MUC5AC: variants seen among roughly 807,000 people sequenced by gnomAD.
MUC5AC encodes the protein mucin 5AC, oligomeric mucus/gel-forming.
MUC5AC carries 158 observed loss-of-function variants against 169.7 expected under a neutral mutation model. The ratio of observed to expected loss-of-function variants is 0.93; its 90% CI spans 0.82 to 1.06. MUC5AC has a LOEUF of 1.06. MUC5AC is among the 50% of genes least tolerant of loss of function. The pLI, the probability that MUC5AC is intolerant of heterozygous loss-of-function variation, is 0.00. For missense variants in MUC5AC, 4,359 were observed against 3,089.9 expected, an observed-to-expected ratio of 1.41 and a Z score of -9.74; for synonymous variants, 1,975 against 1,237.0, an observed-to-expected ratio of 1.60 and a Z score of -12.52.
intron 40 of MUC5AC, 36 bp from the exon 41 acceptor site, chr11:1,197,432 G>A (rs1164720748): frequency 2.0e-5 from 14 of 698,530 alleles, no homozygotes; most frequent in East Asian, 1.1e-4. Flanking sequence ...GGGTGGAGCC[G>A]CTGCGGACGC....
At position 1,199,487 on chromosome 11, in the gene MUC5AC, T is replaced by C. The variant is rs1313478482; in HGVS notation, c.16512T>C (p.Ser5504=). The C allele has an allele frequency of 1.4e-6, 1 of 710,126 alleles. No homozygotes were observed. The highest frequency in any genetic ancestry group is 1.7e-5 in the African/African-American group (1 of 57,504). The allele number at this position is 710,126 out of a possible 1,614,324, so 44.0% of individuals were successfully genotyped here. ...TKKACPPLSC[S]LDEARMSKDG... ...AGGCGTGCCCCCCGCTCAGCTGTTCTCTGGTGAGGTCCAGGATCCCCGCTC... is the reference window on the plus strand; with the variant it reads ...AGGCGTGCCCCCCGCTCAGCTGTTCCCTGGTGAGGTCCAGGATCCCCGCTC... The change falls in exon 46 of 49, where the codon TCT becomes TCC. Residue 5504 remains serine (S), a synonymous_variant. Coordinates refer to ENST00000621226, the MANE Select transcript of MUC5AC (RefSeq NM_001304359.2).
In MUC5AC at chr11:1,186,018, A is replaced by G. The variant is rs1860934650; in HGVS notation, c.7873A>G (p.Thr2625Ala). Residue 2625 changes from threonine to alanine, a missense_variant, in exon 31 of 49, where the codon ACA (threonine) becomes GCA (alanine). Thr to Ala is a moderately conservative substitution (Grantham distance 58). Transcript: ENST00000621226. ...APISSTTSAT[T>A]TSRISGPETT... Reference sequence around the variant, plus strand: ...TATAAGCAGCACAACCTCTGCCACTACAACCAGCAGAATCTCTGGTCCTGA... The same window carrying G: ...TATAAGCAGCACAACCTCTGCCACTGCAACCAGCAGAATCTCTGGTCCTGA... 1 of 729,210 alleles carries G rather than the reference A, an allele frequency of 1.4e-6. No individual in the cohort carries two copies. The highest frequency in any genetic ancestry group is 1.7e-5 in the African/African-American group (1 of 57,652). The allele number at this position is 729,210 out of a possible 1,614,324, so 45.2% of individuals were successfully genotyped here.
chr11:1,159,656 G>A (rs113686509), intron 1 of MUC5AC, among the ~76,000 whole-genome samples: 4 of 137,392 alleles, frequency 2.9e-5, no homozygotes, highest in Admixed American at 1.5e-4. Flanking sequence ...AGGGCTGTGC[G>A]GGGCTGGCGT....
At chr11:1,165,530 C>A (rs1860297068) in intron 10 of MUC5AC, 92 bp from the exon 11 acceptor site, 8 of 1,588,106 alleles carry the variant, frequency 5.0e-6, no homozygotes, top group Non-Finnish European at 6.9e-6. Flanking sequence ...TGTAGGCAGG[C>A]CTGGGGTGAG....
In MUC5AC at chr11:1,188,094, G is replaced by T; in HGVS notation, c.9949G>T (p.Val3317Leu). The part of the protein sequence containing the change: ...FKMCLNYEVR[V>L]LCCETPKGCP... ...GATGTGCCTCAACTACGAGGTGCGT[G>T]TGCTCTGCTGCGAGACCCCTAAAGG... Residue 3317 changes from valine to leucine, a missense_variant, in exon 31 of 49, where the codon GTG becomes TTG. Transcript: ENST00000621226. The T allele has an allele frequency of 1.4e-6, 1 of 740,054 alleles. No individual in the cohort carries two copies. Among genetic ancestry groups the T allele is most frequent in the Non-Finnish European group, 2.5e-6 (1 of 403,700 alleles). The allele number at this position is 740,054 out of a possible 1,614,324, so 45.8% of individuals were successfully genotyped here. A position where few individuals can be genotyped will look rare whatever the true frequency, so the allele number is the denominator to read the frequency against.
chr11:1,193,672 C>G lies in MUC5AC; in HGVS notation c.14755+13C>G. On this transcript the variant is annotated intron_variant, in intron 33 of 48. Coordinates refer to ENST00000621226, the MANE Select transcript of MUC5AC (RefSeq NM_001304359.2). ...TACCAGTGCCAGTGTGAGTGGAGCG[C>G]CGAGCGGGACCCAGGGCAGCCGGGG... is the stretch of plus-strand genomic sequence containing the variant. 2.6e-6 allele frequency: 2 copies of G among 762,572 alleles called. No individual in the cohort carries two copies. The highest frequency in any genetic ancestry group is 1.3e-5 in the South Asian group (1 of 74,552). The allele number at this position is 762,572 out of a possible 1,614,324, so 47.2% of individuals were successfully genotyped here.
intron 11 of MUC5AC, 93 bp downstream of exon 11, chr11:1,165,853 G>A: frequency 6.4e-7 from 1 of 1,560,274 alleles, no homozygotes; most frequent in Non-Finnish European, 8.7e-7. Context: ...TGTCACTGCT[G>A]CCCCTGGGGT....
At chr11:1,162,806 G>A in intron 5 of MUC5AC, 149 bp from the exon 6 acceptor site, 1 of 968,764 alleles carries the variant, frequency 1.0e-6, no homozygotes, top group Middle Eastern at 2.1e-4. Flanking sequence ...CACCAATGGT[G>A]TCCCGGGGTC....
At chr11:1,161,028 G>A (rs554178192) in intron 2 of MUC5AC, among the ~76,000 whole-genome samples, 1 of 152,342 alleles carries the variant, frequency 6.6e-6, no homozygotes, top group East Asian at 1.9e-4. Context: ...TGACGCTTCA[G>A]CAACACGGGC....
chr11:1,169,048 C>G, intron 15 of MUC5AC, 22 bp downstream of exon 15: 1 of 1,535,138 alleles, frequency 6.5e-7, no homozygotes, highest in Non-Finnish European at 8.8e-7. Flanking sequence ...CACGGCTCGC[C>G]TCTGTGCTGG....
chr11:1,178,598 G>A lies in MUC5AC; in HGVS notation c.3242G>A (p.Cys1081Tyr). 7.1e-7 allele frequency: 1 copy of A among 1,413,594 alleles called. No individual in the cohort carries two copies. 87.6% of individuals were successfully genotyped at this position (1,413,594 alleles called of 1,614,324 possible). Residue 1081 changes from cysteine (C) to tyrosine (Y), a missense_variant, in exon 25 of 49, where the codon TGC becomes TAC. Physicochemically the swap from Cys to Tyr is radical, Grantham distance 194. Transcript: ENST00000621226. ...CPDALAPKDP[C>Y]TANPFRKSWA... ...GATGCCCTGGCGCCCAAGGACCCCT[G>A]CACGGCCAACCCCTTCCGCAAGTCC...
chr11:1,190,027 A>C lies in MUC5AC; in HGVS notation c.11882A>C (p.Lys3961Thr), dbSNP rs1861050029. The C allele has an allele frequency of 2.6e-6, 2 of 765,050 alleles. No homozygotes were observed. Among genetic ancestry groups the C allele is most frequent in the South Asian group, 1.3e-5 (1 of 74,624 alleles). 47.4% of individuals were successfully genotyped at this position (765,050 alleles called of 1,614,324 possible). ...TGTCATCCCCGGTGCACCTGGACCA[A>C]GTGGTTTGACGTGGACTTTCCATCC... ...RDCHPRCTWT[K>T]WFDVDFPSPG... is the part of the protein sequence containing the mutation. Residue 3961 changes from lysine (K) to threonine (T), a missense_variant, in exon 31 of 49, where the codon AAG becomes ACG. By Grantham distance (78) the Lys-to-Thr change is moderately conservative. Coordinates refer to ENST00000621226, the MANE Select transcript of MUC5AC (RefSeq NM_001304359.2).
rs1157146809 is a variant in MUC5AC, at chr11:1,173,740, TCACTCACTCATC to T, written c.1966-733_1966-722del. Among the ~76,000 whole-genome samples, 20 of 145,076 alleles carry T rather than the reference TCACTCACTCATC, an allele frequency of 1.4e-4. No individual in the cohort carries two copies. In the South Asian group the frequency reaches 1.8e-3, roughly 13 times the overall value. ...TTCATTCACGCACTCATCCACTCACTCACTCACTCATCCACTCACTCATCCACTCACTCACTC... is the reference window on the plus strand; with the variant it reads ...TTCATTCACGCACTCATCCACTCACTCACTCACTCATCCACTCACTCACTC... On this transcript the variant is annotated intron_variant, in intron 16 of 48. Coordinates refer to ENST00000621226, the MANE Select transcript of MUC5AC (RefSeq NM_001304359.2).
chr11:1,178,035 G>A (rs1364068110), intron 24 of MUC5AC, among the ~76,000 whole-genome samples: 1 of 152,230 alleles, frequency 6.6e-6, no homozygotes, highest in Non-Finnish European at 1.5e-5. Context: ...CCTCCTCCCT[G>A]TGACTGGGTC....
Position 1,197,811 on chromosome 11 carries a change from T to C in MUC5AC, c.16034-92T>C, listed in dbSNP as rs907169887. 2.0e-5 allele frequency: 13 copies of C among 654,398 alleles called. No homozygotes were observed. In the African/African-American group the frequency reaches 2.2e-4, roughly 11 times the overall value. The allele number at this position is 654,398 out of a possible 1,614,324, so 40.5% of individuals were successfully genotyped here. On this transcript the variant is annotated intron_variant, in intron 41 of 48. Coordinates refer to ENST00000621226, the MANE Select transcript of MUC5AC (RefSeq NM_001304359.2). ...TCTGGAGACCCCCGAGCGGGCTGTC[T>C]AGGCGGTCCGCAATCCTAGAGACCC...
chr11:1,197,848 C>A, intron 41 of MUC5AC, 55 bp from the exon 42 acceptor site: 1 of 684,964 alleles, frequency 1.5e-6, no homozygotes, highest in Non-Finnish European at 2.7e-6. Context: ...AGGGGGTGGG[C>A]CTTCGGGTGG....
At chr11:1,168,586 T>C (rs1305741001) in intron 13 of MUC5AC, 34 bp downstream of exon 13, 1 of 1,612,456 alleles carries the variant, frequency 6.2e-7, no homozygotes, top group Admixed American at 1.7e-5. Context: ...ACCCCGGGGC[T>C]GCCTGGGGTC....
chr11:1,192,488 C>T lies in MUC5AC; in HGVS notation c.14343C>T (p.Thr4781=). Residue 4781 remains threonine (T), a synonymous_variant, in exon 31 of 49, where the codon ACC becomes ACT. Transcript: ENST00000621226. Reference sequence around the variant, plus strand: ...GCTCTGTGGCTTACTCCACCCAAACCTGCTTCTGCAACGTGGCTGACCGGC... The same window carrying T: ...GCTCTGTGGCTTACTCCACCCAAACTTGCTTCTGCAACGTGGCTGACCGGC... ...ASSSVAYSTQ[T]CFCNVADRLY... is the part of the protein sequence containing the mutation. 1.3e-6 allele frequency: 1 copy of T among 765,100 alleles called. No individual in the cohort carries two copies. 47.4% of individuals were successfully genotyped at this position (765,100 alleles called of 1,614,324 possible).
chr11:1,182,591 C>G lies in MUC5AC; in HGVS notation c.4446C>G (p.Ser1482=), dbSNP rs878962167. ...RVQCCTPLPC[S]TSSSPAQTTP... Reference sequence around the variant, plus strand: ...AGTGCTGCACGCCCCTACCCTGCTCCACCTCTAGCAGTCCAGCCCAGACCA... The same window carrying G: ...AGTGCTGCACGCCCCTACCCTGCTCGACCTCTAGCAGTCCAGCCCAGACCA... Residue 1482 remains serine (S), a synonymous_variant, in exon 31 of 49, where the codon TCC becomes TCG. Coordinates refer to ENST00000621226, the MANE Select transcript of MUC5AC (RefSeq NM_001304359.2). The G allele has an allele frequency of 2.5e-6, 1 of 398,792 alleles. No individual in the cohort carries two copies. The highest frequency in any genetic ancestry group is 4.4e-6 in the Non-Finnish European group (1 of 226,202). 24.7% of individuals were successfully genotyped at this position (398,792 alleles called of 1,614,324 possible).
Sources: allele counts gnomAD v4.1 joint callset (sites outside exome capture counted in the v4.1 genomes callset), GRCh38; gene constraint gnomAD v4.1.1; transcripts MANE v1.5; gene names NCBI Gene and HGNC (gene_info 2026-07-23, HGNC 2026-07-21).